SIRT5: variants seen among roughly 807,000 people sequenced by gnomAD.
The protein encoded by SIRT5 is sirtuin 5, also known as NAD-dependent protein deacylase sirtuin-5, mitochondrial.
Under a neutral mutation model 40.0 loss-of-function variants are expected in SIRT5, and 26 were observed. The observed-to-expected ratio is 0.65, with a 90% CI of 0.48 to 0.90. The LOEUF (loss-of-function observed/expected upper bound fraction) is 0.90, where lower values mean the gene tolerates loss of function less well. SIRT5 is among the 40% of genes least tolerant of loss of function. The pLI is 0.00. For missense variants in SIRT5, 401 were observed against 402.4 expected, an observed-to-expected ratio of 1.00 and a Z score of 0.03; for synonymous variants, 146 against 149.1, an observed-to-expected ratio of 0.98 and a Z score of 0.15.
In SIRT5 at chr6:13,588,483, A is replaced by C. The variant is rs199668637; in HGVS notation, c.249+19A>C. The C allele has an allele frequency of 1.2e-6, 2 of 1,608,898 alleles. No homozygotes were observed. Among genetic ancestry groups the C allele is most frequent in the Non-Finnish European group, 1.7e-6 (2 of 1,178,282 alleles). On this transcript the variant is annotated intron_variant, in intron 4 of 9. Transcript: ENST00000606117. Reference sequence around the variant, plus strand: ...AGCCCAGGTTTGTAAAGTTTCCAGAACATTAAAAGCCTCTGTCGAATGAAA... The same window carrying C: ...AGCCCAGGTTTGTAAAGTTTCCAGACCATTAAAAGCCTCTGTCGAATGAAA...
intron 2 of SIRT5, 31 bp downstream of exon 2, chr6:13,579,640 G>A (rs899167209): frequency 2.0e-5 from 3 of 152,200 alleles, no homozygotes; most frequent in Non-Finnish European, 4.4e-5. Context: ...GATAGCCTAA[G>A]TAACTTCATG....
intron 2 of SIRT5, among the ~76,000 whole-genome samples, chr6:13,581,766 C>T (rs1044642769): frequency 6.6e-6 from 1 of 152,152 alleles, no homozygotes; most frequent in Non-Finnish European, 1.5e-5. Flanking sequence ...GCACCGATAT[C>T]AGACAGGGCC....
At chr6:13,609,812 C>G (rs1562283287) in intron 9 of SIRT5, among the ~76,000 whole-genome samples, 1 of 152,174 alleles carries the variant, frequency 6.6e-6, no homozygotes, top group Non-Finnish European at 1.5e-5. Flanking sequence ...GCTGGCTTTA[C>G]CCGTGTCTTT....
At chr6:13,593,848 A>G (rs1562271842) in intron 5 of SIRT5, among the ~76,000 whole-genome samples, 1 of 152,160 alleles carries the variant, frequency 6.6e-6, no homozygotes, top group Non-Finnish European at 1.5e-5. Context: ...TGGTCCAAAT[A>G]TTTCTCATTA....
intron 9 of SIRT5, among the ~76,000 whole-genome samples, chr6:13,611,258 CATAT>C (rs1763876174): frequency 2.8e-5 from 4 of 142,342 alleles, no homozygotes; most frequent in South Asian, 4.5e-4. Flanking sequence ...TACACACACA[CATAT>C]ATATACACAC....
chr6:13,611,845 G>A lies in SIRT5; in HGVS notation c.913G>A (p.Glu305Lys). The change falls in exon 10 of 10, where the codon GAA (glutamate) becomes AAA (lysine). Residue 305 changes from glutamate (E) to lysine (K), a missense_variant. Transcript: ENST00000606117. ...TTLPEALACH[E>K]NETVS ...TCTTCCTGAAGCCCTTGCCTGTCAT[G>A]AAAATGAAACTGTTTCTTAAGTGTC... 1 of 1,613,998 alleles carries A rather than the reference G, an allele frequency of 6.2e-7. No individual in the cohort carries two copies. Among genetic ancestry groups the A allele is most frequent in the Non-Finnish European group, 8.5e-7 (1 of 1,179,904 alleles).
intron 9 of SIRT5, among the ~76,000 whole-genome samples, chr6:13,603,226 G>A (rs1437915939): frequency 1.4e-5 from 2 of 146,186 alleles, no homozygotes; most frequent in Non-Finnish European, 3.0e-5. Flanking sequence ...GCAGTGAGCC[G>A]AGATCGCGCC....
At position 13,611,957 on chromosome 6, in the gene SIRT5, A is replaced by C. The variant is rs201481892; in HGVS notation, c.*92A>C. 27 of 1,194,300 alleles carry C rather than the reference A, an allele frequency of 2.3e-5. No homozygotes were observed. Among genetic ancestry groups the C allele is most frequent in the Non-Finnish European group, 3.3e-5 (27 of 827,102 alleles). The allele number at this position is 1,194,300 out of a possible 1,614,324, so 74.0% of individuals were successfully genotyped here. On this transcript the variant is annotated 3_prime_UTR_variant, in exon 10 of 10. Coordinates refer to ENST00000606117, the MANE Select transcript of SIRT5 (RefSeq NM_012241.5). ...CTTATGGGTGGTGAGCTGAGTACTG[A>C]ACAATCTAAAAATAGCCTCTGATTC... is the stretch of plus-strand genomic sequence containing the variant.
chr6:13,613,293 C>T lies in SIRT5; in HGVS notation c.*1428C>T, dbSNP rs918492093. 1.4e-4 allele frequency: 22 copies of T among 152,228 alleles called. No homozygotes were observed. The highest frequency in any genetic ancestry group is 5.1e-4 in the African/African-American group (21 of 41,440). 9.4% of individuals were successfully genotyped at this position (152,228 alleles called of 1,614,324 possible). On this transcript the variant is annotated 3_prime_UTR_variant, in exon 10 of 10. Coordinates refer to ENST00000606117, the MANE Select transcript of SIRT5 (RefSeq NM_012241.5). ...ATTTCTGTCAGGTACATCTTCCATACACTTTACTACCTTGGAGTAAAGTAG... is the reference window on the plus strand; with the variant it reads ...ATTTCTGTCAGGTACATCTTCCATATACTTTACTACCTTGGAGTAAAGTAG...
At chr6:13,580,374 T>C (rs1759182747) in intron 2 of SIRT5, among the ~76,000 whole-genome samples, 1 of 152,198 alleles carries the variant, frequency 6.6e-6, no homozygotes, top group Admixed American at 6.5e-5. Context: ...TACAGTTCTA[T>C]GAGTGTTGAA....
At chr6:13,579,114 G>A (rs1338304903) in intron 1 of SIRT5, among the ~76,000 whole-genome samples, 6 of 152,138 alleles carry the variant, frequency 3.9e-5, no homozygotes, top group Non-Finnish European at 7.3e-5. Context: ...TAACCTTGTG[G>A]AAACTAGAAC....
At chr6:13,605,800 C>G (rs983094024) in intron 9 of SIRT5, 1 of 985,296 alleles carries the variant, frequency 1.0e-6, no homozygotes, top group Non-Finnish European at 1.2e-6. Flanking sequence ...TTTGTACATT[C>G]GCTGAGGCAA....
At chr6:13,601,029 CT>C (rs2127702246) in intron 9 of SIRT5, 80 bp downstream of exon 9, 2 of 1,059,222 alleles carry the variant, frequency 1.9e-6, no homozygotes, top group South Asian at 1.5e-5. Context: ...TGACCTACTC[CT>C]CTAATTTTTA....
chr6:13,599,934 G>C (rs996182495), intron 8 of SIRT5, among the ~76,000 whole-genome samples: 5 of 152,202 alleles, frequency 3.3e-5, no homozygotes, highest in African/African-American at 1.2e-4. Flanking sequence ...CACTTAGCAT[G>C]TTCCATATCA....
At chr6:13,597,208 A>AT (rs1300258079) in intron 7 of SIRT5, among the ~76,000 whole-genome samples, 192 bp downstream of exon 7, 3 of 152,118 alleles carry the variant, frequency 2.0e-5, no homozygotes, top group African/African-American at 7.2e-5. Context: ...GAAAAGAATG[A>AT]TTTTTTTCCA....
At chr6:13,576,050 C>G (rs752562785) in intron 1 of SIRT5, among the ~76,000 whole-genome samples, 1 of 152,170 alleles carries the variant, frequency 6.6e-6, no homozygotes, top group South Asian at 2.1e-4. Context: ...TTTATCCGGT[C>G]CTCAGTTGAT....
At chr6:13,586,509 C>A (rs1486450736) in intron 3 of SIRT5, among the ~76,000 whole-genome samples, 2 of 152,180 alleles carry the variant, frequency 1.3e-5, no homozygotes, top group East Asian at 3.9e-4. Context: ...GAATCTTTTC[C>A]CCCTTGTTTT....
intron 1 of SIRT5, among the ~76,000 whole-genome samples, chr6:13,577,238 G>C (rs1758745895): frequency 6.6e-6 from 1 of 152,148 alleles, no homozygotes; most frequent in Non-Finnish European, 1.5e-5. Flanking sequence ...AGATTGCTTT[G>C]GGTAGTATGG....
intron 4 of SIRT5, among the ~76,000 whole-genome samples, chr6:13,591,196 C>T (rs1445095970): frequency 6.6e-6 from 1 of 151,950 alleles, no homozygotes; most frequent in African/African-American, 2.4e-5. Flanking sequence ...GTGTGTATAG[C>T]CATAGCTATA....
Sources: allele counts gnomAD v4.1 joint callset (sites outside exome capture counted in the v4.1 genomes callset), GRCh38; gene constraint gnomAD v4.1.1; transcripts MANE v1.5; gene names NCBI Gene and HGNC (gene_info 2026-07-23, HGNC 2026-07-21).